Variants in NPC1 observed in about 807,000 individuals in gnomAD.
NPC1 encodes the protein NPC intracellular cholesterol transporter 1.
A neutral mutation model predicts 140.4 loss-of-function variants in NPC1; 85 were observed. The ratio of observed to expected loss-of-function variants is 0.61; its 90% CI spans 0.51 to 0.72. NPC1 has a LOEUF of 0.72. NPC1 is among the 30% of genes least tolerant of loss of function. The pLI, the probability that NPC1 is intolerant of heterozygous loss-of-function variation, is 0.00. For missense variants in NPC1, 1,504 were observed against 1,623.8 expected (o/e 0.93, Z 1.27); for synonymous variants, 656 against 624.8 (o/e 1.05, Z -0.74).
chr18:23,540,130 T>C, intron 17 of NPC1, 129 bp from the exon 18 acceptor site: 1 of 797,400 alleles, frequency 1.3e-6, no homozygotes, highest in Non-Finnish European at 2.1e-6. Context: ...GGACTCATGA[T>C]TCCTAACACC....
chr18:23,574,332 G>A (rs988677854), intron 1 of NPC1, among the ~76,000 whole-genome samples: 2 of 152,106 alleles, frequency 1.3e-5, no homozygotes, highest in South Asian at 4.1e-4. Flanking sequence ...GACTCAGAAA[G>A]CCACAGAGGG....
At chr18:23,538,728 A>G in intron 19 of NPC1, 57 bp from the exon 20 acceptor site, 1 of 1,575,180 alleles carries the variant, frequency 6.3e-7, no homozygotes, top group Non-Finnish European at 8.7e-7. Context: ...ATTTTTTGTA[A>G]AACATTTTAA....
At position 23,562,846 on chromosome 18, in the gene NPC1, A is replaced by G. The variant is rs1444086055; in HGVS notation, c.464-1319T>C. On this transcript the variant is annotated intron_variant, in intron 4 of 24. Coordinates refer to ENST00000269228, the MANE Select transcript of NPC1 (RefSeq NM_000271.5). ...TACAAAAAATAAAAAAATAAAAAAA[A>G]ATTAGCCAGGTGTGGTGGCGCTATA... Among the ~76,000 whole-genome samples, 2 of 152,124 alleles carry G rather than the reference A, an allele frequency of 1.3e-5. 1 individual carries two copies. The highest frequency in any genetic ancestry group is 1.3e-4 in the Admixed American group (2 of 15,274).
intron 1 of NPC1, among the ~76,000 whole-genome samples, chr18:23,576,097 G>A (rs1030020711): frequency 2.0e-5 from 3 of 152,102 alleles, no homozygotes; most frequent in African/African-American, 7.2e-5. Flanking sequence ...GGGGGTGCAT[G>A]CCTGTAATCC....
In NPC1 at chr18:23,568,498, C is replaced by T. The variant is rs114814032; in HGVS notation, c.463+325G>A. On this transcript the variant is annotated intron_variant, in intron 4 of 24. Transcript: ENST00000269228. ...TAACAGTTCTATCTTCTCAGTCTTGCAGTAATTTATGACATTACACAACTC... is the reference window on the plus strand; with the variant it reads ...TAACAGTTCTATCTTCTCAGTCTTGTAGTAATTTATGACATTACACAACTC... Among the ~76,000 whole-genome samples, 468 of 152,286 alleles carry T rather than the reference C, an allele frequency of 3.1e-3. 2 individuals are homozygous for T. Among genetic ancestry groups the T allele is most frequent in the African/African-American group, 0.011 (442 of 41,562 alleles).
chr18:23,514,430 G>T (rs1219664463), intron 3 of NPC1, among the ~76,000 whole-genome samples: 1 of 152,102 alleles, frequency 6.6e-6, no homozygotes, highest in African/African-American at 2.4e-5. Flanking sequence ...GGTGGTGGGC[G>T]CCTATAATCC....
rs754879938 is a variant in NPC1 at position 23,515,938 on chromosome 18, C to T, written c.432-9296G>A. 1.2e-5 allele frequency: 20 copies of T among 1,614,058 alleles called. No individual in the cohort carries two copies. The East Asian group carries it at 4.0e-4, about 32-fold the overall frequency. On this transcript the variant is annotated intron_variant, in intron 3 of 3. Transcript: ENST00000591107. ...TGGTACATGTACTGCCCCGAGAGCG[C>T]CGTGATCTTGCTGTCTACCACGGTC...
chr18:23,549,899 G>A (rs927664120), intron 10 of NPC1, among the ~76,000 whole-genome samples: 72 of 151,446 alleles, frequency 4.8e-4, no homozygotes, highest in Non-Finnish European at 1.6e-4. Context: ...ACACCACCAC[G>A]TGTGGCTAAT....
chr18:23,510,673 T>C (rs1461028632), intron 3 of NPC1, among the ~76,000 whole-genome samples: 2 of 148,632 alleles, frequency 1.3e-5, no homozygotes, highest in African/African-American at 4.9e-5. Flanking sequence ...GCAAAGGACA[T>C]GAGCAGACAC....
At chr18:23,527,128 A>G (rs1449414033), downstream of NPC1, among the ~76,000 whole-genome samples, 1 of 150,920 alleles carries the variant, frequency 6.6e-6, no homozygotes, top group Non-Finnish European at 1.5e-5. Context: ...TCATGCTTAT[A>G]ATCCCAGCAC....
At chr18:23,565,326 T>C (rs928637924) in intron 4 of NPC1, among the ~76,000 whole-genome samples, 3 of 152,210 alleles carry the variant, frequency 2.0e-5, no homozygotes, top group African/African-American at 7.2e-5. Flanking sequence ...TCCTCGTTAA[T>C]TTCGCTGAAT....
chr18:23,546,104 C>T (rs2058784967), intron 11 of NPC1, among the ~76,000 whole-genome samples: 1 of 151,844 alleles, frequency 6.6e-6, no homozygotes, highest in South Asian at 2.1e-4. Context: ...CAAAAATTAG[C>T]CAGGCGTGGT....
intron 10 of NPC1, among the ~76,000 whole-genome samples, chr18:23,549,214 A>G (rs1031841904): frequency 2.0e-5 from 3 of 151,918 alleles, no homozygotes; most frequent in Non-Finnish European, 4.4e-5. Context: ...CTTCTTTTTT[A>G]GAGACAGGAT....
intron 3 of NPC1, among the ~76,000 whole-genome samples, chr18:23,570,017 G>GA (rs1264832269): frequency 4.6e-5 from 7 of 152,152 alleles, no homozygotes; most frequent in Non-Finnish European, 1.0e-4. Context: ...GACAAAGAAT[G>GA]AAAAAAGTGT....
In NPC1 at chr18:23,560,286, AG is replaced by A. The variant is rs765613304; in HGVS notation, c.825del (p.Tyr276ThrfsTer34). On this transcript the variant is annotated frameshift_variant, in exon 6 of 25. Transcript: ENST00000269228. LOFTEE classifies it high-confidence loss of function. Reference sequence around the variant, plus strand: ...AAAAACACAAGCAAAAACGCCATGTAGGTGATCCACATGATGACATACATGG... The same window carrying A: ...AAAAACACAAGCAAAAACGCCATGTAGTGATCCACATGATGACATACATGG... ...LDAMYVIMWI[T>X]YMAFLLVFFG... 2 of 1,614,120 alleles carry A rather than the reference AG, an allele frequency of 1.2e-6. No homozygotes were observed. The highest frequency in any genetic ancestry group is 1.3e-5 in the African/African-American group (1 of 74,946).
chr18:23,572,718 C>CA (rs1275981441), intron 2 of NPC1, among the ~76,000 whole-genome samples: 3 of 152,124 alleles, frequency 2.0e-5, no homozygotes, highest in Non-Finnish European at 4.4e-5. Context: ...CCTGTAGTCC[C>CA]AGCTACTTGG....
At chr18:23,561,551 A>T in intron 4 of NPC1, 24 bp from the exon 5 acceptor site, 1 of 1,612,844 alleles carries the variant, frequency 6.2e-7, no homozygotes, top group Non-Finnish European at 8.5e-7. Flanking sequence ...CCCAAAGGAA[A>T]AAGGAGACAA....
At chr18:23,510,429 C>T (rs951619314) in intron 3 of NPC1, among the ~76,000 whole-genome samples, 37 of 151,790 alleles carry the variant, frequency 2.4e-4, no homozygotes, top group African/African-American at 9.0e-4. Flanking sequence ...GGGCAGATCA[C>T]CTGAGGTCAG....
At chr18:23,581,895 T>C (rs894872697) in intron 1 of NPC1, 4 of 152,232 alleles carry the variant, frequency 2.6e-5, no homozygotes, top group African/African-American at 9.6e-5. Flanking sequence ...CATTTTTTTA[T>C]GTATCCAGCC....
Sources: allele counts gnomAD v4.1 joint callset (sites outside exome capture counted in the v4.1 genomes callset), GRCh38; gene constraint gnomAD v4.1.1; transcripts MANE v1.5; gene names NCBI Gene and HGNC (gene_info 2026-07-23, HGNC 2026-07-21).